DHX57: variants seen among roughly 807,000 people sequenced by gnomAD.
The protein encoded by DHX57 is putative ATP-dependent RNA helicase DHX57.
A neutral mutation model predicts 156.2 loss-of-function variants in DHX57; 105 were observed. The observed-to-expected ratio is 0.67, with a 90% CI of 0.57 to 0.79. The LOEUF is 0.79. DHX57 is among the 30% of genes least tolerant of loss of function. The probability of loss-of-function intolerance (pLI) is 0.00; values close to 1 mark genes in which losing one functional copy is unlikely to be tolerated. For missense variants in DHX57, 1,847 were observed against 1,661.9 expected, an observed-to-expected ratio of 1.11 and a Z score of -1.94; for synonymous variants, 704 against 595.6, an observed-to-expected ratio of 1.18 and a Z score of -2.65.
chr2:38,845,392 G>T (rs546785096), intron 11 of DHX57, among the ~76,000 whole-genome samples: 2 of 152,182 alleles, frequency 1.3e-5, no homozygotes, highest in South Asian at 4.1e-4. Context: ...ATTAAAATTT[G>T]AGAGCCACTG....
At chr2:38,806,437 C>A (rs1669938942) in intron 22 of DHX57, 122 bp downstream of exon 22, 2 of 1,052,304 alleles carry the variant, frequency 1.9e-6, no homozygotes, top group African/African-American at 1.6e-5. Context: ...ATTCAATCTT[C>A]CCTCAGTCAG....
intron 14 of DHX57, 40 bp downstream of exon 14, chr2:38,828,300 T>C: frequency 6.6e-7 from 1 of 1,510,928 alleles, no homozygotes; most frequent in Non-Finnish European, 9.1e-7. Flanking sequence ...TAGAGGTAAC[T>C]GCAATGGATG....
intron 20 of DHX57, among the ~76,000 whole-genome samples, chr2:38,814,545 T>A (rs893941770): frequency 6.6e-6 from 1 of 152,162 alleles, no homozygotes; most frequent in Admixed American, 6.6e-5. Flanking sequence ...CACAGGAGCA[T>A]CAGGTTCATC....
At chr2:38,808,129 A>G (rs1670053800) in intron 21 of DHX57, among the ~76,000 whole-genome samples, 1 of 148,282 alleles carries the variant, frequency 6.7e-6, no homozygotes, top group Non-Finnish European at 1.5e-5. Flanking sequence ...TAATTTTTGT[A>G]TTTTTAGTAG....
At chr2:38,873,177 G>C (rs552133070) in intron 1 of DHX57, among the ~76,000 whole-genome samples, 1 of 152,288 alleles carries the variant, frequency 6.6e-6, no homozygotes, top group African/African-American at 2.4e-5. Context: ...TTTTAGTAGA[G>C]ATGGTGTTTC....
chr2:38,851,909 G>A (rs1208987930), intron 9 of DHX57, among the ~76,000 whole-genome samples: 1 of 151,924 alleles, frequency 6.6e-6, no homozygotes, highest in Non-Finnish European at 1.5e-5. Context: ...TTCCAACAGT[G>A]GCAAAATGAC....
At chr2:38,847,638 T>C (rs1003483163) in intron 10 of DHX57, among the ~76,000 whole-genome samples, 1 of 152,206 alleles carries the variant, frequency 6.6e-6, no homozygotes. Flanking sequence ...CCCAGAAATT[T>C]AGCAGAATCC....
At chr2:38,845,590 G>A (rs113082882) in intron 11 of DHX57, among the ~76,000 whole-genome samples, 10 of 152,196 alleles carry the variant, frequency 6.6e-5, no homozygotes, top group African/African-American at 2.2e-4. Context: ...GGGAGTTCTC[G>A]GCACAGGGAT....
At chr2:38,816,119 T>G in intron 19 of DHX57, 1 of 471,508 alleles carries the variant, frequency 2.1e-6, no homozygotes, top group South Asian at 1.5e-5. Context: ...GTTCGTGCTC[T>G]CAGTGGAACT....
At chr2:38,835,173 G>C (rs534236486) in intron 13 of DHX57, among the ~76,000 whole-genome samples, 1 of 152,222 alleles carries the variant, frequency 6.6e-6, no homozygotes, top group Admixed American at 6.5e-5. Flanking sequence ...GCCTGAAAAG[G>C]TTCCAAATAA....
chr2:38,803,027 C>T (rs1236918788), intron 22 of DHX57, 112 bp from the exon 23 acceptor site: 1 of 1,173,754 alleles, frequency 8.5e-7, no homozygotes, highest in Non-Finnish European at 1.2e-6. Flanking sequence ...CCAAATTTAT[C>T]TATAGCCCGT....
chr2:38,842,234 C>G (rs946456419), intron 12 of DHX57, among the ~76,000 whole-genome samples: 5 of 152,076 alleles, frequency 3.3e-5, no homozygotes, highest in African/African-American at 1.2e-4. Context: ...GGACATTCTA[C>G]AAAATAATCT....
intron 1 of DHX57, among the ~76,000 whole-genome samples, chr2:38,874,151 G>A (rs1312707197): frequency 6.6e-6 from 1 of 151,996 alleles, no homozygotes; most frequent in Non-Finnish European, 1.5e-5. Context: ...CAGTGCAGTG[G>A]TACGATCATA....
intron 9 of DHX57, among the ~76,000 whole-genome samples, chr2:38,852,336 C>CTT (rs58025139): frequency 1.5e-3 from 190 of 130,346 alleles, no homozygotes; most frequent in Admixed American, 3.2e-3. Context: ...GCCACCAATC[C>CTT]TTTTTTTTTT....
At position 38,861,342 on chromosome 2, in the gene DHX57, T is replaced by A; in HGVS notation, c.1068A>T (p.Glu356Asp). 1.9e-6 allele frequency: 3 copies of A among 1,613,580 alleles called. No individual in the cohort carries two copies. Among genetic ancestry groups the A allele is most frequent in the Non-Finnish European group, 2.5e-6 (3 of 1,179,902 alleles). The change falls in exon 5 of 24, where the codon GAA becomes GAT. Residue 356 changes from glutamate (E) to aspartate (D), a missense_variant. Coordinates refer to ENST00000457308, the MANE Select transcript of DHX57 (RefSeq NM_198963.3). The part of the protein sequence containing the change: ...IEDASFLYEL[E>D]IRFSKDHKYP... Reference sequence around the variant, plus strand: ...ATTTGTGGTCTTTAGAAAATCGAATTTCAAGTTCATATAAAAAAGATGCAT... The same window carrying A: ...ATTTGTGGTCTTTAGAAAATCGAATATCAAGTTCATATAAAAAAGATGCAT...
chr2:38,826,136 C>A, intron 15 of DHX57, 89 bp from the exon 16 acceptor site: 2 of 1,348,176 alleles, frequency 1.5e-6, no homozygotes, highest in Non-Finnish European at 2.0e-6. Context: ...GAACCAGCTT[C>A]CTCCTGTAGA....
intron 21 of DHX57, 39 bp from the exon 22 acceptor site, chr2:38,806,732 A>G: frequency 1.3e-6 from 2 of 1,565,900 alleles, no homozygotes; most frequent in African/African-American, 1.4e-5. Flanking sequence ...CATATAATAT[A>G]TATATTCTCA....
chr2:38,803,738 C>T (rs561587501), intron 22 of DHX57, among the ~76,000 whole-genome samples: 4 of 151,872 alleles, frequency 2.6e-5, no homozygotes, highest in East Asian at 3.9e-4. Flanking sequence ...ATCTGCCTGC[C>T]TCGGCCTCCC....
intron 1 of DHX57, among the ~76,000 whole-genome samples, 195 bp downstream of exon 1, chr2:38,875,592 C>T (rs868244777): frequency 3.4e-4 from 51 of 151,792 alleles, no homozygotes; most frequent in African/African-American, 1.2e-3. Flanking sequence ...CGCCTTGGTT[C>T]GGTATCAGGG....
Sources: gnomAD v4.1 joint callset for allele counts (sites outside exome capture counted in the v4.1 genomes callset) on GRCh38, gnomAD v4.1.1 for gene constraint, MANE v1.5 for transcripts, NCBI Gene and HGNC (gene_info 2026-07-23, HGNC 2026-07-21) for gene names.